The following ANK3 variants were observed in gnomAD, a reference collection of about 807,000 sequenced individuals.
ANK3 encodes ankyrin 3, also known as ankyrin-3.
Under a neutral mutation model 370.9 loss-of-function variants are expected in ANK3, and 57 were observed. The ratio of observed to expected loss-of-function variants is 0.15; its 90% CI spans 0.12 to 0.19. ANK3 has a LOEUF of 0.19. ANK3 is among the 10% of genes least tolerant of loss of function. The pLI is 1.00. For missense variants in ANK3, 4,439 were observed against 5,302.1 expected (o/e 0.84, Z 5.06); for synonymous variants, 1,929 against 1,946.3 (o/e 0.99, Z 0.23).
intron 7 of ANK3, among the ~76,000 whole-genome samples, chr10:60,241,585 TACC>T (rs2097459350): frequency 6.6e-6 from 1 of 152,168 alleles, no homozygotes; most frequent in Admixed American, 6.5e-5. Context: ...TCCCAGGTAC[TACC>T]CCTTCTATTT....
chr10:60,685,028 T>G, intron 1 of ANK3: 1 of 1,528,218 alleles, frequency 6.5e-7, no homozygotes, highest in Non-Finnish European at 9.0e-7. Flanking sequence ...GGAGATGGCC[T>G]AAAGGAAGGA....
intron 1 of ANK3, among the ~76,000 whole-genome samples, chr10:60,327,614 A>G (rs1485878463): frequency 5.3e-5 from 8 of 152,202 alleles, no homozygotes; most frequent in Non-Finnish European, 8.8e-5. Context: ...CTTGGAAGTA[A>G]AAGAGAGGCT....
At chr10:60,187,190 T>C (rs994646760) in intron 16 of ANK3, among the ~76,000 whole-genome samples, 8 of 149,304 alleles carry the variant, frequency 5.4e-5, no homozygotes, top group Non-Finnish European at 1.2e-4. Flanking sequence ...AGAGTCTCAC[T>C]CTTCGCCCAG....
At chr10:60,565,411 C>T (rs1326409910) in intron 2 of ANK3, among the ~76,000 whole-genome samples, 1 of 97,788 alleles carries the variant, frequency 1.0e-5, no homozygotes, top group African/African-American at 3.2e-5. Context: ...ACTGTGCGGC[C>T]CGGTTCCCAA....
chr10:60,226,303 T>G (rs1358522756), intron 8 of ANK3, among the ~76,000 whole-genome samples: 2 of 111,388 alleles, frequency 1.8e-5, no homozygotes, highest in Non-Finnish European at 3.4e-5. Flanking sequence ...ATATAGTATA[T>G]GTAATACTAT....
At chr10:60,057,550 T>C (rs1385336550) in intron 41 of ANK3, among the ~76,000 whole-genome samples, 1 of 152,234 alleles carries the variant, frequency 6.6e-6, no homozygotes, top group Non-Finnish European at 1.5e-5. Flanking sequence ...GTGAAGATCC[T>C]GTAACATATA....
At chr10:60,472,193 T>C (rs1029137341) in intron 2 of ANK3, among the ~76,000 whole-genome samples, 8 of 152,158 alleles carry the variant, frequency 5.3e-5, no homozygotes, top group Non-Finnish European at 1.2e-4. Context: ...CAGACATACA[T>C]ACGTGGTTAA....
chr10:60,429,869 C>T (rs1365300825), intron 2 of ANK3, among the ~76,000 whole-genome samples: 4 of 152,148 alleles, frequency 2.6e-5, no homozygotes. Context: ...CTTTGAATCT[C>T]ATATTTTAAT....
At chr10:60,581,417 CCTTTTTT>C (rs1567162410) in intron 2 of ANK3, among the ~76,000 whole-genome samples, 1 of 119,452 alleles carries the variant, frequency 8.4e-6, no homozygotes, top group Admixed American at 1.0e-4. Context: ...GGTATTTTGC[CCTTTTTT>C]TTTTTTTTTT....
At chr10:60,058,137 A>T (rs909564283) in intron 41 of ANK3, among the ~76,000 whole-genome samples, 3 of 152,224 alleles carry the variant, frequency 2.0e-5, no homozygotes, top group Non-Finnish European at 2.9e-5. Context: ...TTTGGTAGAC[A>T]TGATACATCC....
intron 21 of ANK3, among the ~76,000 whole-genome samples, chr10:60,167,230 G>A (rs1048212597): frequency 6.6e-6 from 1 of 152,198 alleles, no homozygotes; most frequent in South Asian, 2.1e-4. Flanking sequence ...TGAATCTGCC[G>A]CCCCATTCCA....
At chr10:60,284,140 G>A (rs911960222) in intron 1 of ANK3, among the ~76,000 whole-genome samples, 1 of 152,124 alleles carries the variant, frequency 6.6e-6, no homozygotes, top group Admixed American at 6.6e-5. Flanking sequence ...TAAGAGAGAT[G>A]ATGGCCAAGT....
chr10:60,082,615 C>A lies in ANK3; in HGVS notation c.4323G>T (p.Lys1441Asn). ...AATTTAAAGCAGTATTAAAAGATAC[C>A]TTTTTATGTGCTGGCAGAGTGATAT... ...NLNITLPAHK[K>N]ETESDQDDEI... Residue 1441 changes from lysine (K) to asparagine (N), a missense_variant and splice_region_variant, in exon 34 of 44, where the codon AAG (lysine) becomes AAT (asparagine). By Grantham distance (94) the Lys-to-Asn change is moderately conservative (BLOSUM62 0). Transcript: ENST00000280772. The A allele has an allele frequency of 6.2e-7, 1 of 1,613,448 alleles. No individual in the cohort carries two copies. Among genetic ancestry groups the A allele is most frequent in the Non-Finnish European group, 8.5e-7 (1 of 1,179,768 alleles).
chr10:60,182,658 G>C (rs545662215), intron 17 of ANK3, among the ~76,000 whole-genome samples: 2 of 152,194 alleles, frequency 1.3e-5, no homozygotes, highest in African/African-American at 2.4e-5. Flanking sequence ...GCAGTTTCAG[G>C]AAGAGCACAG....
intron 1 of ANK3, among the ~76,000 whole-genome samples, chr10:60,291,055 G>A (rs1478147362): frequency 6.6e-6 from 1 of 151,980 alleles, no homozygotes; most frequent in Non-Finnish European, 1.5e-5. Flanking sequence ...AAATTCTCTT[G>A]GAGACTGATT....
At chr10:60,334,221 A>G (rs2052205442) in intron 1 of ANK3, among the ~76,000 whole-genome samples, 1 of 152,170 alleles carries the variant, frequency 6.6e-6, no homozygotes, top group Non-Finnish European at 1.5e-5. Flanking sequence ...ACTTAATACA[A>G]TGAATATGGG....
chr10:60,642,441 A>G (rs2078647441), intron 1 of ANK3, among the ~76,000 whole-genome samples: 1 of 152,218 alleles, frequency 6.6e-6, no homozygotes, highest in Non-Finnish European at 1.5e-5. Context: ...ACCATGGAAT[A>G]CTATGCAGCT....
rs532613286 is a variant in ANK3, at chr10:60,726,791, T to C, written c.57+6472A>G. Among the ~76,000 whole-genome samples the C allele has an allele frequency of 3.9e-5, 6 of 152,278 alleles. No homozygotes were observed. In the East Asian group the frequency reaches 1.2e-3, roughly 29 times the overall value. On this transcript the variant is annotated intron_variant, in intron 1 of 43. Coordinates refer to the ANK3 transcript ENST00000373827. ...CGCTTTAGATGGGTGAATTCTATGG[T>C]ATATAAATTATATCACAATAAAGCT...
chr10:60,531,085 T>C (rs1183374013), intron 2 of ANK3, among the ~76,000 whole-genome samples: 1 of 152,012 alleles, frequency 6.6e-6, no homozygotes, highest in East Asian at 1.9e-4. Context: ...CAGGAGTGAA[T>C]GGAGAGGATG....
Sources: allele counts gnomAD v4.1 joint callset (sites outside exome capture counted in the v4.1 genomes callset), GRCh38; gene constraint gnomAD v4.1.1; transcripts MANE v1.5; gene names NCBI Gene and HGNC (gene_info 2026-07-23, HGNC 2026-07-21).